The following GALNT13 variants were observed in gnomAD, a reference collection of about 807,000 sequenced individuals.
GALNT13 encodes the protein UDP-GalNAc:polypeptide N-acetylgalactosaminyltransferase 13.
A neutral mutation model predicts 64.2 loss-of-function variants in GALNT13; 28 were observed. The observed-to-expected ratio is 0.44, with a 90% confidence interval of 0.32 to 0.60. GALNT13 has a LOEUF of 0.60. Among genes scored for constraint, GALNT13 ranks in the 20% least tolerant of loss-of-function variants. The pLI, the probability that GALNT13 is intolerant of heterozygous loss-of-function variation, is 0.05. For missense variants in GALNT13, 577 were observed against 669.8 expected (o/e 0.86, Z 1.53); for synonymous variants, 214 against 224.6 (o/e 0.95, Z 0.42).
the GALNT13 span, among the ~76,000 whole-genome samples, chr2:153,800,567 T>A: frequency 6.6e-6 from 1 of 152,230 alleles, no homozygotes; most frequent in Non-Finnish European, 1.5e-5. Context: ...AAACTTGGTA[T>A]CAATCTTCTC....
intron 8 of GALNT13, among the ~76,000 whole-genome samples, chr2:154,288,822 C>T (rs1432104493): frequency 2.0e-5 from 3 of 152,230 alleles, no homozygotes; most frequent in African/African-American, 7.2e-5. Flanking sequence ...ACTGCTTTCA[C>T]AGGCTGGCAC....
the GALNT13 span, among the ~76,000 whole-genome samples, chr2:153,281,851 G>T: frequency 6.7e-6 from 1 of 150,116 alleles, no homozygotes; most frequent in Non-Finnish European, 1.5e-5. Flanking sequence ...TTTGACTTTG[G>T]ACAGTCTGGT....
intron 8 of GALNT13, among the ~76,000 whole-genome samples, chr2:154,300,494 A>T (rs934067337): frequency 1.3e-5 from 2 of 152,076 alleles, no homozygotes; most frequent in Admixed American, 6.6e-5. Flanking sequence ...TACAGTATAA[A>T]ACCATGTTTT....
the GALNT13 span, among the ~76,000 whole-genome samples, chr2:153,438,114 G>A: frequency 3.9e-5 from 6 of 152,084 alleles, no homozygotes; most frequent in Non-Finnish European, 8.8e-5. Context: ...TGAAATTCTG[G>A]GTTGAAAATT....
intron 3 of GALNT13, among the ~76,000 whole-genome samples, chr2:153,979,686 A>G (rs1007952862): frequency 6.6e-6 from 1 of 152,216 alleles, no homozygotes; most frequent in African/African-American, 2.4e-5. Flanking sequence ...CATATGCACA[A>G]ATAAAACATT....
chr2:153,329,298 G>A, the GALNT13 span, among the ~76,000 whole-genome samples: 2 of 152,172 alleles, frequency 1.3e-5, no homozygotes, highest in Non-Finnish European at 2.9e-5. Flanking sequence ...TGTATACTGA[G>A]TAATGAGATT....
intron 9 of GALNT13, among the ~76,000 whole-genome samples, chr2:154,334,263 A>T (rs945574924): frequency 2.6e-5 from 4 of 151,998 alleles, no homozygotes; most frequent in African/African-American, 9.7e-5. Context: ...CCATTTTACT[A>T]TTACATTGAG....
intron 2 of GALNT13, among the ~76,000 whole-genome samples, chr2:153,934,736 G>A (rs1196440269): frequency 6.6e-6 from 1 of 152,136 alleles, no homozygotes; most frequent in African/African-American, 2.4e-5. Flanking sequence ...TACATGGTGG[G>A]TTGCATTACA....
At chr2:154,238,854 A>G (rs896758055) in intron 4 of GALNT13, among the ~76,000 whole-genome samples, 1 of 151,996 alleles carries the variant, frequency 6.6e-6, no homozygotes, top group Non-Finnish European at 1.5e-5. Flanking sequence ...GAGAACTCTT[A>G]AGATCAATTT....
At chr2:153,766,023 G>A in the GALNT13 span, among the ~76,000 whole-genome samples, 2 of 152,200 alleles carry the variant, frequency 1.3e-5, no homozygotes, top group East Asian at 1.9e-4. Context: ...TCCAATCTCA[G>A]TTATGTCTTT....
chr2:153,351,058 T>C, the GALNT13 span, among the ~76,000 whole-genome samples: 1 of 152,046 alleles, frequency 6.6e-6, no homozygotes, highest in Non-Finnish European at 1.5e-5. Context: ...TTAAGAAAAA[T>C]TTCCCAGAAA....
the GALNT13 span, among the ~76,000 whole-genome samples, chr2:153,188,562 C>T: frequency 6.6e-6 from 1 of 152,138 alleles, no homozygotes; most frequent in Non-Finnish European, 1.5e-5. Flanking sequence ...CCCAATCAGA[C>T]ACGTCCAGCT....
chr2:153,566,348 G>GTTTTTTTTTTTTGTT, the GALNT13 span, among the ~76,000 whole-genome samples: 1 of 74,826 alleles, frequency 1.3e-5, no homozygotes, highest in African/African-American at 6.4e-5. Flanking sequence ...TTCTAATCAC[G>GTTTTTTTTTTTTGTT]TTTTTTTTTT....
intron 9 of GALNT13, among the ~76,000 whole-genome samples, chr2:154,393,002 G>T (rs1698868231): frequency 6.6e-6 from 1 of 152,136 alleles, no homozygotes; most frequent in African/African-American, 2.4e-5. Flanking sequence ...TTTTCCTTGA[G>T]AAAATCAGTG....
the GALNT13 span, among the ~76,000 whole-genome samples, chr2:153,686,690 G>A: frequency 6.6e-6 from 1 of 152,042 alleles, no homozygotes; most frequent in African/African-American, 2.4e-5. Context: ...GAATAGGAGT[G>A]GTGAGAGAGG....
intron 9 of GALNT13, among the ~76,000 whole-genome samples, chr2:154,389,443 A>G (rs1698675175): frequency 6.6e-6 from 1 of 152,160 alleles, no homozygotes; most frequent in African/African-American, 2.4e-5. Context: ...CCACTTAAGC[A>G]TTGTTTATTG....
At chr2:153,655,138 G>T in the GALNT13 span, among the ~76,000 whole-genome samples, 1 of 152,052 alleles carries the variant, frequency 6.6e-6, no homozygotes, top group East Asian at 1.9e-4. Context: ...TCTGAATTCT[G>T]CATTGGTCAG....
At chr2:153,843,186 C>T in the GALNT13 span, among the ~76,000 whole-genome samples, 1 of 152,200 alleles carries the variant, frequency 6.6e-6, no homozygotes, top group South Asian at 2.1e-4. Context: ...ATAATTGGCT[C>T]ATGAGTCTGC....
At chr2:153,370,092 A>C in the GALNT13 span, among the ~76,000 whole-genome samples, 3 of 152,210 alleles carry the variant, frequency 2.0e-5, no homozygotes, top group East Asian at 5.8e-4. Context: ...ATTTGATAAC[A>C]TAAATGTTAG....
Sources: gnomAD v4.1 joint callset for allele counts (sites outside exome capture counted in the v4.1 genomes callset) on GRCh38, gnomAD v4.1.1 for gene constraint, MANE v1.5 for transcripts, NCBI Gene and HGNC (gene_info 2026-07-23, HGNC 2026-07-21) for gene names.